ZNF638: variants seen among roughly 807,000 people sequenced by gnomAD.
ZNF638 encodes the protein zinc finger protein 638, also known as CTCL tumor antigen se33-1.
ZNF638 carries 46 observed loss-of-function variants against 195.6 expected under a neutral mutation model. The ratio of observed to expected loss-of-function variants is 0.24; its 90% CI spans 0.19 to 0.30. ZNF638 has a LOEUF of 0.30. Among genes scored for constraint, ZNF638 ranks in the 10% least tolerant of loss-of-function variants. The pLI is 1.00. For synonymous variants in ZNF638, 845 were observed against 772.0 expected (o/e 1.09, Z -1.57); for missense variants, 2,440 against 2,325.3 (o/e 1.05, Z -1.01).
rs1421528644 is a variant in ZNF638, at chr2:71,405,613, A to G, written c.2971A>G (p.Ile991Val). The change falls in exon 18 of 28, where the codon ATA becomes GTA. Residue 991 changes from isoleucine to valine, a missense_variant. Transcript: ENST00000264447. Reference protein sequence around the residue: ...MNIKDEEAIFITLVKENDPEA... With the variant: ...MNIKDEEAIFVTLVKENDPEA... Reference sequence around the variant, plus strand: ...TTTTGCTTTTTAGGAAGCTATATTTATAACCTTGGTAAAAGAAAATGACCC... The same window carrying G: ...TTTTGCTTTTTAGGAAGCTATATTTGTAACCTTGGTAAAAGAAAATGACCC... The G allele has an allele frequency of 6.4e-7, 1 of 1,573,230 alleles. No individual in the cohort carries two copies. Among genetic ancestry groups the G allele is most frequent in the Non-Finnish European group, 8.7e-7 (1 of 1,155,360 alleles).
At chr2:71,367,518 CGCCTCCCAGGTTCAAGTGATTCTCCT>C (rs1278244541) in intron 6 of ZNF638, among the ~76,000 whole-genome samples, 5 of 151,396 alleles carry the variant, frequency 3.3e-5, no homozygotes, top group African/African-American at 1.2e-4. Flanking sequence ...ACACAACCTC[CGCCTCCCAGGTTCAAGTGATTCTCCT>C]GCCTCCTGCC....
chr2:71,373,669 C>T (rs1413755984), intron 8 of ZNF638, among the ~76,000 whole-genome samples: 3 of 151,842 alleles, frequency 2.0e-5, no homozygotes, highest in African/African-American at 4.8e-5. Flanking sequence ...CCGTCCGCCT[C>T]GGCCTCTGAA....
In ZNF638 at chr2:71,365,456, T is replaced by C; in HGVS notation, c.1745T>C (p.Val582Ala). 1 of 1,611,086 alleles carries C rather than the reference T, an allele frequency of 6.2e-7. No homozygotes were observed. The highest frequency in any genetic ancestry group is 1.1e-5 in the South Asian group (1 of 90,324). ...AGAAAAAAAGCATTAGAAGATGTAG[T>C]ACAACGATCTGGGCATGGGACAGAA... ...SDRKKALEDV[V>A]QRSGHGTEFN... The change falls in exon 6 of 28, where the codon GTA (valine) becomes GCA (alanine). Residue 582 changes from valine to alanine, a missense_variant. By Grantham distance (64) the Val-to-Ala change is moderately conservative (BLOSUM62 0). Transcript: ENST00000264447.
intron 25 of ZNF638, among the ~76,000 whole-genome samples, chr2:71,430,011 A>G (rs1434801807): frequency 6.6e-6 from 1 of 152,212 alleles, no homozygotes; most frequent in Non-Finnish European, 1.5e-5. Flanking sequence ...TGGTAGGGCA[A>G]CCTTGGCAAT....
chr2:71,433,983 C>T (rs143791713), intron 27 of ZNF638, among the ~76,000 whole-genome samples: 8 of 152,264 alleles, frequency 5.3e-5, no homozygotes, highest in East Asian at 3.9e-4. Context: ...ATTTGAACTC[C>T]GCTCTATTTC....
rs1307143350 is a variant in ZNF638, at chr2:71,422,678, C to G, written c.3300-136C>G. The G allele has an allele frequency of 8.3e-6, 7 of 839,396 alleles. No homozygotes were observed. In the East Asian group the frequency reaches 1.9e-4, roughly 22 times the overall value. 52.0% of individuals were successfully genotyped at this position (839,396 alleles called of 1,614,324 possible). A position where few individuals can be genotyped will look rare whatever the true frequency, so the allele number is the denominator to read the frequency against. ...TGCTGATTGGTTGGATTTCCCAGTGCTTATTACGAATGCATCAGGAAGTCT... is the reference window on the plus strand; with the variant it reads ...TGCTGATTGGTTGGATTTCCCAGTGGTTATTACGAATGCATCAGGAAGTCT... On this transcript the variant is annotated intron_variant, in intron 21 of 27. Transcript: ENST00000264447.
At chr2:71,419,974 C>CCCCCTTTTTTTTT (rs1189202093) in intron 21 of ZNF638, among the ~76,000 whole-genome samples, 1 of 27,022 alleles carries the variant, frequency 3.7e-5, no homozygotes, top group South Asian at 3.1e-3. Flanking sequence ...CCCCCCCCGC[C>CCCCCTTTTTTTTT]TTTTTTTTTT....
At chr2:71,353,410 A>G (rs943378573) in intron 2 of ZNF638, among the ~76,000 whole-genome samples, 3 of 152,212 alleles carry the variant, frequency 2.0e-5, no homozygotes, top group Non-Finnish European at 4.4e-5. Context: ...TTTCAGTTTC[A>G]TTCTGAGCCT....
At chr2:71,420,907 G>T (rs752413445) in intron 21 of ZNF638, among the ~76,000 whole-genome samples, 2 of 152,132 alleles carry the variant, frequency 1.3e-5, no homozygotes, top group Admixed American at 6.5e-5. Flanking sequence ...GACAAATATG[G>T]AATTAAATAA....
chr2:71,340,601 A>G (rs1017519674), intron 1 of ZNF638, among the ~76,000 whole-genome samples: 14 of 152,224 alleles, frequency 9.2e-5, no homozygotes, highest in African/African-American at 3.1e-4. Flanking sequence ...GTCTAGAAAA[A>G]TAATGTTAGT....
intron 2 of ZNF638, among the ~76,000 whole-genome samples, chr2:71,354,796 C>A (rs1475396570): frequency 6.6e-6 from 1 of 151,392 alleles, no homozygotes; most frequent in African/African-American, 2.4e-5. Flanking sequence ...GCTCAAAGCT[C>A]TATATGTAAG....
chr2:71,339,819 T>G (rs2078734337), intron 1 of ZNF638, among the ~76,000 whole-genome samples: 1 of 152,214 alleles, frequency 6.6e-6, no homozygotes, highest in African/African-American at 2.4e-5. Context: ...ATAAGGTGTT[T>G]CCTCTTGGGC....
chr2:71,360,366 C>T (rs192138594), intron 3 of ZNF638, among the ~76,000 whole-genome samples: 2 of 152,288 alleles, frequency 1.3e-5, no homozygotes, highest in African/African-American at 4.8e-5. Context: ...AACCACAATA[C>T]AACACATTTA....
intron 20 of ZNF638, among the ~76,000 whole-genome samples, chr2:71,413,945 TG>T (rs2080266949): frequency 3.3e-5 from 1 of 29,998 alleles, no homozygotes; most frequent in African/African-American, 1.5e-4. Context: ...TTCTCTTTTT[TG>T]GTTGTGTCTC....
chr2:71,424,815 A>C, intron 23 of ZNF638, 100 bp downstream of exon 23: 1 of 867,314 alleles, frequency 1.2e-6, no homozygotes, highest in East Asian at 2.5e-5. Flanking sequence ...TTAGTGACTA[A>C]GAGTTTAGAG....
chr2:71,348,852 T>C lies in ZNF638; in HGVS notation c.-103T>C. Reference sequence around the variant, plus strand: ...TGGGCCCATCTCCTTTGCACTTTGCTCAGATTAAGACTCAGTTGGCGCTTC... The same window carrying C: ...TGGGCCCATCTCCTTTGCACTTTGCCCAGATTAAGACTCAGTTGGCGCTTC... On this transcript the variant is annotated 5_prime_UTR_variant, in exon 2 of 28. Transcript: ENST00000264447. 6.2e-7 allele frequency: 1 copy of C among 1,610,922 alleles called. No individual in the cohort carries two copies. The highest frequency in any genetic ancestry group is 8.5e-7 in the Non-Finnish European group (1 of 1,179,688).
At chr2:71,395,129 A>G (rs2079865718) in intron 10 of ZNF638, 3 of 655,612 alleles carry the variant, frequency 4.6e-6, no homozygotes, top group Non-Finnish European at 8.5e-6. Flanking sequence ...ATGTCCAACA[A>G]ACAGTTATAT....
intron 10 of ZNF638, chr2:71,388,859 A>AGCCTCG: frequency 1.5e-6 from 1 of 648,352 alleles, no homozygotes; most frequent in South Asian, 1.8e-5. Context: ...AAGCTAGCAG[A>AGCCTCG]GCCTCGGTTT....
chr2:71,365,736 A>G, intron 6 of ZNF638, 30 bp downstream of exon 6: 1 of 1,549,822 alleles, frequency 6.5e-7, no homozygotes, highest in South Asian at 1.2e-5. Context: ...TTATTTTTAG[A>G]GATAAGGTTT....
Sources: allele counts gnomAD v4.1 joint callset (sites outside exome capture counted in the v4.1 genomes callset), GRCh38; gene constraint gnomAD v4.1.1; transcripts MANE v1.5; gene names NCBI Gene and HGNC (gene_info 2026-07-23, HGNC 2026-07-21).